ARHGEF18: variants seen among roughly 807,000 people sequenced by gnomAD.
ARHGEF18 encodes the protein rho guanine nucleotide exchange factor 18.
In ARHGEF18, 93 loss-of-function variants were observed where a neutral mutation model predicts 155.7. The ratio of observed to expected loss-of-function variants is 0.60; its 90% CI spans 0.50 to 0.71. The LOEUF is 0.71. Ranked by LOEUF, ARHGEF18 falls within the 30% of genes least tolerant of loss-of-function variation. The pLI, the probability that ARHGEF18 is intolerant of heterozygous loss-of-function variation, is 0.00. For missense variants in ARHGEF18, 1,593 were observed against 1,816.1 expected (o/e 0.88, Z 2.23); for synonymous variants, 742 against 753.1 (o/e 0.99, Z 0.24).
intron 10 of ARHGEF18, among the ~76,000 whole-genome samples, chr19:7,410,239 C>T (rs1056307634): frequency 2.0e-5 from 3 of 152,044 alleles, no homozygotes; most frequent in Admixed American, 6.6e-5. Context: ...CCCTGCCTTC[C>T]GCCTGTGACT....
Position 7,450,444 on chromosome 19 carries a change from T to C in ARHGEF18, c.1738-705T>C, listed in dbSNP as rs1447801159. 3.3e-3 allele frequency among the ~76,000 whole-genome samples: 5 copies of C among 1,506 alleles called. No individual in the cohort carries two copies. In the East Asian group the frequency reaches 0.069, roughly 21 times the overall value. The allele number at this position is 1,506 out of a possible 152,430, so 1.0% of individuals were successfully genotyped here. The stretch of plus-strand genomic sequence containing the variant: ...TGCGGGATCTTGCTTTCCGTTTCCG[T>C]TTCCGAGATGTTAATACAGGATCTT... On this transcript the variant is annotated intron_variant, in intron 15 of 28. Transcript: ENST00000668164.
In ARHGEF18 at chr19:7,375,354, AAAGGAAGGAAGG is replaced by A. The variant is rs560169946; in HGVS notation, c.276-354_276-343del. ...GAAAAGGAAGAAAGAAAAAGAAAGA[AAAGGAAGGAAGG>A]AAGGAAGGAAGAAAGAAAAGGAAGG... is the stretch of plus-strand genomic sequence containing the variant. On this transcript the variant is annotated intron_variant, in intron 3 of 28. Transcript: ENST00000668164. Among the ~76,000 whole-genome samples, 425 of 142,374 alleles carry A rather than the reference AAAGGAAGGAAGG, an allele frequency of 3.0e-3. 1 individual carries two copies. Among genetic ancestry groups the A allele is most frequent in the Non-Finnish European group, 4.0e-3 (257 of 64,348 alleles). The allele number at this position is 142,374 out of a possible 152,430, so 93.4% of individuals were successfully genotyped here.
intron 10 of ARHGEF18, among the ~76,000 whole-genome samples, chr19:7,399,396 T>C (rs1419704516): frequency 6.6e-6 from 1 of 152,214 alleles, no homozygotes; most frequent in Admixed American, 6.5e-5. Context: ...TTGTCAGAGA[T>C]AGATTCATAG....
intron 2 of ARHGEF18, among the ~76,000 whole-genome samples, chr19:7,367,331 C>T (rs1023227544): frequency 1.3e-5 from 2 of 152,120 alleles, no homozygotes; most frequent in Admixed American, 6.6e-5. Flanking sequence ...CTGTGAGGCA[C>T]GGTGGCTCAT....
At chr19:7,368,431 C>G (rs767956667) in intron 2 of ARHGEF18, among the ~76,000 whole-genome samples, 8 of 152,142 alleles carry the variant, frequency 5.3e-5, no homozygotes, top group Non-Finnish European at 1.0e-4. Flanking sequence ...TGGGCTGGCT[C>G]TCATCTTTTC....
chr19:7,365,836 G>T (rs971218909), intron 2 of ARHGEF18, among the ~76,000 whole-genome samples: 1 of 152,110 alleles, frequency 6.6e-6, no homozygotes, highest in African/African-American at 2.4e-5. Context: ...TCCTTCCCTG[G>T]TGGTGGTCCC....
chr19:7,427,830 CA>C (rs1425589902), intron 10 of ARHGEF18, among the ~76,000 whole-genome samples: 1 of 151,954 alleles, frequency 6.6e-6, no homozygotes, highest in African/African-American at 2.4e-5. Context: ...CCTGTAATCC[CA>C]GCTACTTGGG....
chr19:7,359,580 A>C (rs544370638), intron 1 of ARHGEF18, among the ~76,000 whole-genome samples: 2 of 152,250 alleles, frequency 1.3e-5, no homozygotes, highest in East Asian at 3.9e-4. Context: ...AATATATGAC[A>C]CCAGGATAAA....
chr19:7,466,728 C>G (rs1012187166), intron 23 of ARHGEF18, among the ~76,000 whole-genome samples, 190 bp from the exon 24 acceptor site: 1 of 137,118 alleles, frequency 7.3e-6, no homozygotes, highest in Non-Finnish European at 1.5e-5. Flanking sequence ...TGCTTGAACC[C>G]GGGAGCTGGA....
intron 10 of ARHGEF18, among the ~76,000 whole-genome samples, chr19:7,439,102 C>T (rs1413943041): frequency 6.6e-6 from 1 of 150,626 alleles, no homozygotes; most frequent in African/African-American, 2.4e-5. Context: ...CCAGGCTGGT[C>T]TTGAACTCCT....
chr19:7,401,528 A>G (rs1308871874), intron 10 of ARHGEF18, among the ~76,000 whole-genome samples: 2 of 152,106 alleles, frequency 1.3e-5, no homozygotes, highest in Non-Finnish European at 2.9e-5. Context: ...AACTCAAGCA[A>G]TCTGCCTGCC....
chr19:7,442,478 G>A (rs1568339074), intron 13 of ARHGEF18, among the ~76,000 whole-genome samples: 1 of 152,050 alleles, frequency 6.6e-6, no homozygotes. Context: ...CAAGTGACCC[G>A]CCCGCCTGGG....
At chr19:7,382,542 G>A (rs558570009) in intron 8 of ARHGEF18, among the ~76,000 whole-genome samples, 80 of 152,308 alleles carry the variant, frequency 5.3e-4, no homozygotes, top group African/African-American at 1.9e-3. Context: ...TCAAACCTGA[G>A]ATCACGTTGC....
At chr19:7,438,581 T>C (rs527309895) in intron 10 of ARHGEF18, among the ~76,000 whole-genome samples, 2 of 151,928 alleles carry the variant, frequency 1.3e-5, no homozygotes, top group Non-Finnish European at 2.9e-5. Flanking sequence ...CTGGCTAATT[T>C]TGTATTTTTA....
rs770839890 is a variant in ARHGEF18, at chr19:7,444,029, C to T, written c.1361-175C>T. ...CCTGCTCCTTCAGGCTGGGATCCCC[C>T]GCAGCATTCTAAACCCTGGACACCC... On this transcript the variant is annotated intron_variant, in intron 13 of 28. Transcript: ENST00000668164. This position sits in a 1 kb window ranked among gnomAD's most constrained non-coding sequence, Gnocchi z 4.7. Among the ~76,000 whole-genome samples, 151 of 152,292 alleles carry T rather than the reference C, an allele frequency of 9.9e-4. 2 individuals are homozygous for T. Among genetic ancestry groups the T allele is most frequent in the Middle Eastern group, 3.4e-3 (1 of 294 alleles).
In ARHGEF18 at chr19:7,362,786, G is replaced by C. The variant is rs1022815051; in HGVS notation, c.-105G>C. The C allele has an allele frequency of 8.1e-7, 1 of 1,234,030 alleles. No homozygotes were observed. The highest frequency in any genetic ancestry group is 1.0e-6 in the Non-Finnish European group (1 of 988,066). 76.4% of individuals were successfully genotyped at this position (1,234,030 alleles called of 1,614,324 possible). On this transcript the variant is annotated 5_prime_UTR_variant, in exon 2 of 29. The change abolishes the stop of an existing upstream ORF in the 5' untranslated region. Coordinates refer to ENST00000668164, the MANE Select transcript of ARHGEF18 (RefSeq NM_001367823.1). ...TGTCCCTCCTTTCTCCACAGGCTCT[G>C]AGCCCAAGTCATGTGTCCAGCCTTT...
intron 10 of ARHGEF18, among the ~76,000 whole-genome samples, chr19:7,408,905 G>A (rs1052544609): frequency 4.6e-5 from 7 of 152,060 alleles, no homozygotes; most frequent in African/African-American, 7.2e-5. Flanking sequence ...ACTTACACAC[G>A]CGTGGTGACT....
In ARHGEF18 at chr19:7,462,458, T is replaced by G; in HGVS notation, c.2635+124T>G. On this transcript the variant is annotated intron_variant, in intron 21 of 28. Coordinates refer to ENST00000668164, the MANE Select transcript of ARHGEF18 (RefSeq NM_001367823.1). The surrounding 1 kb of genome is among the most constrained non-coding windows in gnomAD (Gnocchi z 4.4). ...ACCCTGTCCAGGACAGGCTTCTATG[T>G]GGGGGGGGCCCAGGAGCAGCACTGA... The G allele has an allele frequency of 3.7e-6, 4 of 1,093,404 alleles. No homozygotes were observed. The highest frequency in any genetic ancestry group is 5.1e-6 in the Non-Finnish European group (4 of 791,544). 67.7% of individuals were successfully genotyped at this position (1,093,404 alleles called of 1,614,324 possible). A position where few individuals can be genotyped will look rare whatever the true frequency, so the allele number is the denominator to read the frequency against.
In ARHGEF18 at chr19:7,452,606, C is replaced by G. The variant is rs191885196; in HGVS notation, c.1856-861C>G. On this transcript the variant is annotated intron_variant, in intron 16 of 28. Coordinates refer to ENST00000668164, the MANE Select transcript of ARHGEF18 (RefSeq NM_001367823.1). Reference sequence around the variant, plus strand: ...TCAGCCTCCCGAGTAGCTGGGATTACAGGCATGTGCCACCACGCCTGGCTA... The same window carrying G: ...TCAGCCTCCCGAGTAGCTGGGATTAGAGGCATGTGCCACCACGCCTGGCTA... 1.2e-3 allele frequency among the ~76,000 whole-genome samples: 182 copies of G among 152,030 alleles called. No homozygotes were observed. The Middle Eastern group carries it at 0.034, about 28-fold the overall frequency.
Sources: allele counts gnomAD v4.1 joint callset (sites outside exome capture counted in the v4.1 genomes callset), GRCh38; gene constraint gnomAD v4.1.1; non-coding constraint Gnocchi (gnomAD v3.1); transcripts MANE v1.5; gene names NCBI Gene and HGNC (gene_info 2026-07-23, HGNC 2026-07-21).